CNTN5: variants seen among roughly 807,000 people sequenced by gnomAD.
CNTN5 encodes the protein contactin-5.
In CNTN5, 77 loss-of-function variants were observed where a neutral mutation model predicts 129.1. That is an observed-to-expected ratio of 0.60 (90% CI 0.50 to 0.72). The LOEUF (loss-of-function observed/expected upper bound fraction) is 0.72, where lower values mean the gene tolerates loss of function less well. Ranked by LOEUF, CNTN5 falls within the 30% of genes least tolerant of loss-of-function variation. The pLI, the probability that CNTN5 is intolerant of heterozygous loss-of-function variation, is 0.00. For synonymous variants in CNTN5, 509 were observed against 465.6 expected (o/e 1.09, Z -1.20); for missense variants, 1,478 against 1,328.8 (o/e 1.11, Z -1.75).
chr11:99,441,870 C>T, intron 2 of CNTN5, among the ~76,000 whole-genome samples: 1 of 152,094 alleles, frequency 6.6e-6, no homozygotes, highest in East Asian at 1.9e-4. Context: ...TGAGATGTGA[C>T]TCCATGCGTT....
At chr11:99,076,758 G>A (rs1246861694) in intron 1 of CNTN5, among the ~76,000 whole-genome samples, 1 of 152,020 alleles carries the variant, frequency 6.6e-6, no homozygotes, top group African/African-American at 2.4e-5. Context: ...ATTTTCTTTG[G>A]TATTTGGAAA....
At chr11:99,873,455 A>T (rs2135821485) in intron 6 of CNTN5, among the ~76,000 whole-genome samples, 1 of 152,230 alleles carries the variant, frequency 6.6e-6, no homozygotes, top group Admixed American at 6.5e-5. Flanking sequence ...GCCAACCGAT[A>T]ATAAAATTCT....
At chr11:99,361,117 G>C (rs557460952) in intron 2 of CNTN5, among the ~76,000 whole-genome samples, 2 of 152,096 alleles carry the variant, frequency 1.3e-5, no homozygotes, top group Admixed American at 6.5e-5. Context: ...ATTTTTATCT[G>C]AGACCTCATC....
chr11:99,843,013 T>G (rs985868634), intron 4 of CNTN5, among the ~76,000 whole-genome samples: 126 of 152,224 alleles, frequency 8.3e-4, no homozygotes, highest in African/African-American at 3.0e-3. Flanking sequence ...GGCGGATTAC[T>G]TGAGGTTAGG....
At chr11:100,266,782 A>G (rs1476932243) in intron 17 of CNTN5, among the ~76,000 whole-genome samples, 1 of 152,098 alleles carries the variant, frequency 6.6e-6, no homozygotes, top group Non-Finnish European at 1.5e-5. Context: ...TGTATTTTAC[A>G]TAAAGCTTAT....
intron 3 of CNTN5, among the ~76,000 whole-genome samples, chr11:99,735,302 C>G (rs965026324): frequency 6.6e-6 from 1 of 152,148 alleles, no homozygotes; most frequent in African/African-American, 2.4e-5. Context: ...CTCCAGTTGT[C>G]TTGAGTTTAA....
chr11:99,777,311 G>A (rs1320805310), intron 3 of CNTN5, among the ~76,000 whole-genome samples: 1 of 151,786 alleles, frequency 6.6e-6, no homozygotes, highest in African/African-American at 2.4e-5. Flanking sequence ...GATTACAAAT[G>A]TTGTGCATCT....
intron 2 of CNTN5, among the ~76,000 whole-genome samples, chr11:99,469,210 T>G (rs1384864826): frequency 6.6e-6 from 1 of 152,130 alleles, no homozygotes; most frequent in Non-Finnish European, 1.5e-5. Context: ...TTCATTATGT[T>G]CAAAATAGCG....
At chr11:99,526,129 C>G (rs958904054) in intron 2 of CNTN5, among the ~76,000 whole-genome samples, 7 of 152,178 alleles carry the variant, frequency 4.6e-5, no homozygotes, top group Admixed American at 1.3e-4. Context: ...TAAAACTTGT[C>G]AGTCTATTGA....
intron 3 of CNTN5, among the ~76,000 whole-genome samples, chr11:99,643,790 A>G (rs1951853178): frequency 6.6e-6 from 1 of 152,136 alleles, no homozygotes; most frequent in Admixed American, 6.5e-5. Flanking sequence ...CTCCAGTAAC[A>G]TATATTTAGA....
intron 13 of CNTN5, among the ~76,000 whole-genome samples, chr11:100,144,615 G>A (rs1946793141): frequency 6.6e-6 from 1 of 152,094 alleles, no homozygotes; most frequent in Non-Finnish European, 1.5e-5. Flanking sequence ...TTTAATCTCA[G>A]AAACTCCTTT....
intron 3 of CNTN5, among the ~76,000 whole-genome samples, chr11:99,641,139 C>A (rs911133002): frequency 6.6e-6 from 1 of 152,118 alleles, no homozygotes; most frequent in Admixed American, 6.5e-5. Flanking sequence ...AGAGCTTGAT[C>A]GGATAATCTT....
chr11:100,062,298 TC>T (rs1386192653), intron 10 of CNTN5, among the ~76,000 whole-genome samples: 2 of 152,196 alleles, frequency 1.3e-5, no homozygotes, highest in African/African-American at 4.8e-5. Flanking sequence ...TATCTCAAGA[TC>T]AGTTCCAAAA....
Position 99,664,055 on chromosome 11 carries a change from G to A in CNTN5, c.55+107786G>A, listed in dbSNP as rs143562375. Among the ~76,000 whole-genome samples, 415 of 152,214 alleles carry A rather than the reference G, an allele frequency of 2.7e-3. 1 individual carries two copies. The highest frequency in any genetic ancestry group is 9.6e-3 in the African/African-American group (399 of 41,540). On this transcript the variant is annotated intron_variant, in intron 3 of 24. Transcript: ENST00000524871. ...TGGCTAGTGTCTACAGTATTGGAAC[G>A]GCGCGGGTAGAGACCATGGCTTAAT...
At chr11:100,025,888 G>A (rs564481304) in intron 9 of CNTN5, among the ~76,000 whole-genome samples, 1 of 152,138 alleles carries the variant, frequency 6.6e-6, no homozygotes, top group Non-Finnish European at 1.5e-5. Context: ...TTGTAGAAGG[G>A]ACTTGTCGTG....
chr11:100,251,238 C>T (rs1949956560), intron 16 of CNTN5, among the ~76,000 whole-genome samples: 2 of 152,112 alleles, frequency 1.3e-5, no homozygotes, highest in South Asian at 4.1e-4. Flanking sequence ...GCTCGATTTT[C>T]TCATGTAGAT....
intron 3 of CNTN5, among the ~76,000 whole-genome samples, chr11:99,626,165 A>G (rs1357550632): frequency 6.6e-6 from 1 of 152,004 alleles, no homozygotes; most frequent in Non-Finnish European, 1.5e-5. Flanking sequence ...GAAGACATGC[A>G]CAGAGGGTGA....
intron 13 of CNTN5, among the ~76,000 whole-genome samples, chr11:100,076,812 C>T (rs974004337): frequency 4.0e-5 from 6 of 151,850 alleles, no homozygotes; most frequent in African/African-American, 1.5e-4. Flanking sequence ...CATTTTTATT[C>T]TTAATATTGA....
intron 2 of CNTN5, among the ~76,000 whole-genome samples, chr11:99,516,923 TAAAC>T (rs1331191720): frequency 1.3e-5 from 2 of 152,136 alleles, no homozygotes; most frequent in Non-Finnish European, 2.9e-5. Flanking sequence ...ATTAGCAGTT[TAAAC>T]AATGAAAAAT....
Sources: gnomAD v4.1 joint callset for allele counts (sites outside exome capture counted in the v4.1 genomes callset) on GRCh38, gnomAD v4.1.1 for gene constraint, MANE v1.5 for transcripts, NCBI Gene and HGNC (gene_info 2026-07-23, HGNC 2026-07-21) for gene names.